The following MEI1 variants were observed in gnomAD, a reference collection of about 807,000 sequenced individuals.
MEI1 encodes the protein meiosis inhibitor protein 1.
MEI1 carries 103 observed loss-of-function variants against 146.2 expected under a neutral mutation model. That is an observed-to-expected ratio of 0.70 (90% confidence interval 0.60 to 0.83). The LOEUF (loss-of-function observed/expected upper bound fraction) is 0.83. MEI1 is among the 40% of genes least tolerant of loss of function. The pLI is 0.00. For missense variants in MEI1, 1,529 were observed against 1,533.0 expected (o/e 1.00, Z 0.04); for synonymous variants, 652 against 628.2 (o/e 1.04, Z -0.57).
chr22:41,700,233 G>A (rs555030521), intron 1 of MEI1, among the ~76,000 whole-genome samples: 1 of 152,358 alleles, frequency 6.6e-6, no homozygotes, highest in South Asian at 2.1e-4. Flanking sequence ...ACAGGTTACA[G>A]CCGGGCAGAA....
At chr22:41,735,227 GTTTTTTTTTTTTT>G (rs1279915415) in intron 11 of MEI1, among the ~76,000 whole-genome samples, 1 of 85,506 alleles carries the variant, frequency 1.2e-5, no homozygotes, top group East Asian at 3.2e-4. Context: ...CTCCCAAAGT[GTTTTTTTTTTTTT>G]TTTTTTTTGA....
chr22:41,753,811 T>A (rs958979356), intron 16 of MEI1, 138 bp from the exon 17 acceptor site: 2 of 667,426 alleles, frequency 3.0e-6, no homozygotes, highest in Admixed American at 2.3e-5. Flanking sequence ...CCTTAAGACC[T>A]CCTCTGCCAC....
intron 3 of MEI1, chr22:41,709,553 G>C: frequency 1.9e-6 from 1 of 534,300 alleles, no homozygotes; most frequent in Non-Finnish European, 3.6e-6. Flanking sequence ...CACGGGCTTT[G>C]GTCGGTCCAG....
At position 41,748,218 on chromosome 22, in the gene MEI1, G is replaced by T; in HGVS notation, c.1792G>T (p.Ala598Ser). 1 of 1,606,224 alleles carries T rather than the reference G, an allele frequency of 6.2e-7. No homozygotes were observed. Among genetic ancestry groups the T allele is most frequent in the Non-Finnish European group, 8.5e-7 (1 of 1,172,904 alleles). The part of the protein sequence containing the change: ...HMKEKFSKKL[A>S]SSSFIRLTLE... ...GAAGGAGAAGTTTTCCAAGAAGCTT[G>T]GTAGGCAGCAGGCAAATGTGGAGGT... Residue 598 changes from alanine to serine, a missense_variant and splice_region_variant, in exon 15 of 31, where the codon GCT becomes TCT. By Grantham distance (99) the Ala-to-Ser change is moderately conservative. Coordinates refer to ENST00000401548, the MANE Select transcript of MEI1 (RefSeq NM_152513.4).
chr22:41,718,603 A>G (rs759787804), intron 6 of MEI1, among the ~76,000 whole-genome samples: 1 of 152,188 alleles, frequency 6.6e-6, no homozygotes, highest in Non-Finnish European at 1.5e-5. Flanking sequence ...TAAGTCAGAA[A>G]TTCTTCCATG....
intron 23 of MEI1, 103 bp downstream of exon 23, chr22:41,781,497 G>A (rs2075755631): frequency 4.2e-6 from 5 of 1,185,086 alleles, no homozygotes; most frequent in African/African-American, 1.5e-5. Flanking sequence ...TGTGTGTGTG[G>A]CTGGTGGTCA....
chr22:41,778,869 G>A, intron 22 of MEI1, 57 bp downstream of exon 22: 2 of 1,234,840 alleles, frequency 1.6e-6, no homozygotes, highest in Non-Finnish European at 2.3e-6. Flanking sequence ...TGCAGTGGGT[G>A]CTCACTAAGT....
intron 7 of MEI1, among the ~76,000 whole-genome samples, chr22:41,726,482 T>C (rs1467208190): frequency 6.6e-6 from 1 of 152,188 alleles, no homozygotes; most frequent in Non-Finnish European, 1.5e-5. Flanking sequence ...ATCACAAAAC[T>C]GAAGTGTAAT....
At chr22:41,752,386 C>T (rs902072897) in intron 15 of MEI1, 86 of 577,576 alleles carry the variant, frequency 1.5e-4, no homozygotes, top group African/African-American at 1.1e-3. Context: ...CTTTACAACA[C>T]CCTGTGAGGT....
rs1460367346 is a variant in MEI1 at position 41,781,675 on chromosome 22, C to A, written c.2927-10C>A. On this transcript the variant is annotated splice_polypyrimidine_tract_variant and intron_variant, in intron 23 of 30. Coordinates refer to ENST00000401548, the MANE Select transcript of MEI1 (RefSeq NM_152513.4). ...ACTCCTGTGGGCCCTGCCTTGCCCA[C>A]CCCCGACAGCTGCTGCAGTGCTCCT... 3.1e-6 allele frequency: 5 copies of A among 1,611,574 alleles called. No individual in the cohort carries two copies. Among genetic ancestry groups the A allele is most frequent in the African/African-American group, 1.3e-5 (1 of 74,998 alleles).
intron 4 of MEI1, among the ~76,000 whole-genome samples, chr22:41,715,341 G>A (rs1569160991): frequency 6.6e-6 from 1 of 151,998 alleles, no homozygotes; most frequent in African/African-American, 2.4e-5. Context: ...GAAGCATAGT[G>A]CCTGGTATAC....
Position 41,758,523 on chromosome 22 carries a change from C to T in MEI1, c.2110C>T (p.His704Tyr). 1 of 1,612,758 alleles carries T rather than the reference C, an allele frequency of 6.2e-7. No individual in the cohort carries two copies. Among genetic ancestry groups the T allele is most frequent in the Non-Finnish European group, 8.5e-7 (1 of 1,179,202 alleles). ...GCTCCTCTTCTACTTGGCCTACATC[C>T]ATGAAGACAGGTCAGTGCACAGAGG... ...ILLLFYLAYI[H>Y]EDRFVSEAEL... Residue 704 changes from histidine (H) to tyrosine (Y), a missense_variant, in exon 18 of 31, where the codon CAT becomes TAT. His to Tyr is a moderately conservative substitution (Grantham distance 83). Transcript: ENST00000401548.
chr22:41,724,313 C>A (rs1011133336), intron 7 of MEI1, among the ~76,000 whole-genome samples: 15 of 152,122 alleles, frequency 9.9e-5, no homozygotes, highest in Non-Finnish European at 2.2e-4. Flanking sequence ...ATGGCAAAAC[C>A]CTGTCTCTAT....
intron 24 of MEI1, 142 bp from the exon 25 acceptor site, chr22:41,784,197 G>A (rs935835507): frequency 2.9e-6 from 2 of 683,640 alleles, no homozygotes; most frequent in Non-Finnish European, 4.9e-6. Flanking sequence ...GTGCAGCTTG[G>A]AGGACTCTGT....
At chr22:41,758,318 T>C (rs984924616) in intron 17 of MEI1, 47 bp from the exon 18 acceptor site, 1 of 1,573,820 alleles carries the variant, frequency 6.4e-7, no homozygotes, top group Admixed American at 1.7e-5. Flanking sequence ...GATTACCTGT[T>C]CTTCTATGTT....
intron 17 of MEI1, 93 bp from the exon 18 acceptor site, chr22:41,758,272 G>A (rs990917292): frequency 1.6e-6 from 2 of 1,239,642 alleles, no homozygotes; most frequent in Non-Finnish European, 2.3e-6. Flanking sequence ...TTGCTGCCCT[G>A]TGCAGTACTC....
chr22:41,737,987 A>G (rs1347212754), intron 11 of MEI1, among the ~76,000 whole-genome samples: 3 of 152,174 alleles, frequency 2.0e-5, no homozygotes, highest in Admixed American at 2.0e-4. Context: ...TTCTCTTTTA[A>G]TTTTCTAACA....
chr22:41,795,550 G>A lies in MEI1; in HGVS notation c.3666+8G>A. ...CATGGCTTCTTCCAGCAGGTGGGTG[G>A]GAAGGGGAGGCCATGCAGCCACTGT... On this transcript the variant is annotated splice_region_variant and intron_variant, in intron 29 of 30. Transcript: ENST00000401548. This position sits in a 1 kb window ranked among gnomAD's most constrained non-coding sequence, Gnocchi z 4.2. 1 of 1,613,794 alleles carries A rather than the reference G, an allele frequency of 6.2e-7. No homozygotes were observed. Among genetic ancestry groups the A allele is most frequent in the Non-Finnish European group, 8.5e-7 (1 of 1,179,832 alleles).
intron 3 of MEI1, among the ~76,000 whole-genome samples, chr22:41,705,800 C>T (rs1028234042): frequency 4.0e-5 from 6 of 149,370 alleles, no homozygotes; most frequent in Non-Finnish European, 7.4e-5. Flanking sequence ...CTCTGCCTCG[C>T]GGGTTCAAGC....
Sources: gnomAD v4.1 joint callset for allele counts (sites outside exome capture counted in the v4.1 genomes callset) on GRCh38, gnomAD v4.1.1 for gene constraint, Gnocchi (gnomAD v3.1) non-coding constraint, MANE v1.5 for transcripts, NCBI Gene and HGNC (gene_info 2026-07-23, HGNC 2026-07-21) for gene names.